The following ALMS1 variants were observed in gnomAD, a reference collection of about 807,000 sequenced individuals.
ALMS1 encodes ALMS1 centrosome and basal body associated protein.
A neutral mutation model predicts 352.2 loss-of-function variants in ALMS1; 271 were observed. The observed-to-expected ratio is 0.77, with a 90% confidence interval of 0.70 to 0.85. The LOEUF (loss-of-function observed/expected upper bound fraction) is 0.85, where lower values mean the gene tolerates loss of function less well. ALMS1 is among the 40% of genes least tolerant of loss of function. ALMS1 has a pLI of 0.00. For synonymous variants in ALMS1, 1,865 were observed against 1,761.2 expected (o/e 1.06, Z -1.48); for missense variants, 5,445 against 4,870.7 (o/e 1.12, Z -3.51).
At chr2:73,576,023 ATTC>A (rs1410306843) in intron 16 of ALMS1, among the ~76,000 whole-genome samples, 1 of 152,168 alleles carries the variant, frequency 6.6e-6, no homozygotes, top group Non-Finnish European at 1.5e-5. Context: ...GTCCACCTTC[ATTC>A]TTCTGCATGT....
intron 21 of ALMS1, among the ~76,000 whole-genome samples, chr2:73,607,739 G>A (rs1013360150): frequency 3.3e-5 from 5 of 151,606 alleles, no homozygotes; most frequent in African/African-American, 1.2e-4. Context: ...TGCCACCCAG[G>A]TTCAAGCGAT....
intron 3 of ALMS1, among the ~76,000 whole-genome samples, chr2:73,422,424 G>T (rs961487922): frequency 6.6e-5 from 10 of 152,104 alleles, no homozygotes; most frequent in Non-Finnish European, 1.3e-4. Flanking sequence ...CCTGTGCTAT[G>T]CTTTGACATA....
chr2:73,471,020 G>A (rs1672455207), intron 9 of ALMS1: 1 of 151,752 alleles, frequency 6.6e-6, no homozygotes, highest in Admixed American at 6.6e-5. Flanking sequence ...ATAGTATATA[G>A]TTAGATCTTA....
intron 11 of ALMS1, among the ~76,000 whole-genome samples, chr2:73,532,714 C>T (rs1385648518): frequency 1.3e-5 from 2 of 152,136 alleles, no homozygotes; most frequent in Non-Finnish European, 2.9e-5. Context: ...TTACTTTGTA[C>T]TCTACCCCTC....
intron 12 of ALMS1, among the ~76,000 whole-genome samples, chr2:73,544,498 A>G (rs1674269460): frequency 6.6e-6 from 1 of 152,218 alleles, no homozygotes; most frequent in South Asian, 2.1e-4. Context: ...CATGTACCCT[A>G]AAACTTAAAG....
chr2:73,396,442 A>T (rs1450121860), intron 1 of ALMS1, among the ~76,000 whole-genome samples: 1 of 151,166 alleles, frequency 6.6e-6, no homozygotes, highest in Non-Finnish European at 1.5e-5. Context: ...GGTAATATTG[A>T]CCTCATAAAG....
chr2:73,607,634 AT>A (rs986604961), intron 21 of ALMS1, among the ~76,000 whole-genome samples: 8 of 151,174 alleles, frequency 5.3e-5, no homozygotes, highest in African/African-American at 1.7e-4. Context: ...CATCATTATT[AT>A]TTTTTTATTA....
chr2:73,481,916 T>C (rs1672715530), intron 9 of ALMS1, among the ~76,000 whole-genome samples: 1 of 151,754 alleles, frequency 6.6e-6, no homozygotes, highest in African/African-American at 2.4e-5. Context: ...GTGATTTTTG[T>C]ACATTGATTT....
At position 73,453,835 on chromosome 2, in the gene ALMS1, G is replaced by A. The variant is rs1485336075; in HGVS notation, c.7308G>A (p.Leu2436=). The A allele has an allele frequency of 6.2e-7, 1 of 1,614,052 alleles. No individual in the cohort carries two copies. The highest frequency in any genetic ancestry group is 1.1e-5 in the South Asian group (1 of 91,080). The change falls in exon 8 of 23, where the codon TTG becomes TTA. Residue 2436 remains leucine, a synonymous_variant. Transcript: ENST00000613296. The part of the protein sequence containing the change: ...CSWDSNLPES[L]ESVSDVLLNF... ...GGGACAGTAATTTACCAGAGTCTTT[G>A]GAATCAGTTTCTGATGTTCTTCTAA... is the stretch of plus-strand genomic sequence containing the variant.
At chr2:73,460,800 A>G (rs939521250) in intron 9 of ALMS1, among the ~76,000 whole-genome samples, 2 of 152,242 alleles carry the variant, frequency 1.3e-5, no homozygotes, top group Admixed American at 6.5e-5. Flanking sequence ...TATCCCGCAC[A>G]TGGCTCGGAG....
rs772590945 is a variant in ALMS1, at chr2:73,426,436, T to C, written c.1238-17T>C. On this transcript the variant is annotated splice_polypyrimidine_tract_variant and intron_variant, in intron 5 of 22. Transcript: ENST00000613296. ...TTACTATACATACAATTATGCAAAA[T>C]GACTCCTATTTTGTAGAGGGCCTGC... 1.2e-6 allele frequency: 2 copies of C among 1,613,272 alleles called. No homozygotes were observed. Among genetic ancestry groups the C allele is most frequent in the Middle Eastern group, 1.7e-4 (1 of 6,060 alleles).
rs1181009062 is a variant in ALMS1, at chr2:73,512,332, C to T, written c.9540-7443C>T. Among the ~76,000 whole-genome samples, 5 of 151,854 alleles carry T rather than the reference C, an allele frequency of 3.3e-5. No homozygotes were observed. The East Asian group carries it at 9.6e-4, about 29-fold the overall frequency. On this transcript the variant is annotated intron_variant, in intron 10 of 22. Transcript: ENST00000613296. Reference sequence around the variant, plus strand: ...ACTCCTGACCTTGTGATCTGCCCACCTTGGCCTCCCAAAGTGCTGGGATTA... The same window carrying T: ...ACTCCTGACCTTGTGATCTGCCCACTTTGGCCTCCCAAAGTGCTGGGATTA...
chr2:73,480,916 T>C (rs1483009763), intron 9 of ALMS1, among the ~76,000 whole-genome samples: 1 of 147,088 alleles, frequency 6.8e-6, no homozygotes, highest in East Asian at 1.9e-4. Flanking sequence ...CACTTTTTGA[T>C]GGGGTTGTTT....
chr2:73,603,008 G>A (rs1417065807), intron 20 of ALMS1, among the ~76,000 whole-genome samples: 1 of 152,218 alleles, frequency 6.6e-6, no homozygotes, highest in African/African-American at 2.4e-5. Context: ...AAACCGGCCA[G>A]ATTTTTAATT....
At chr2:73,387,081 A>G (rs1670555310) in intron 1 of ALMS1, among the ~76,000 whole-genome samples, 1 of 152,234 alleles carries the variant, frequency 6.6e-6, no homozygotes, top group South Asian at 2.1e-4. Flanking sequence ...GCTAGTGGCT[A>G]CCATGTTGGA....
At chr2:73,470,050 G>C (rs1226940312) in intron 9 of ALMS1, 2 of 151,752 alleles carry the variant, frequency 1.3e-5, no homozygotes, top group African/African-American at 4.8e-5. Context: ...TCAGTGTGAT[G>C]TCTCCACTTT....
In ALMS1 at chr2:73,453,380, C is replaced by T. The variant is rs375458331; in HGVS notation, c.6853C>T (p.Arg2285Cys). ...ATGCAATTTTCCTGCTCCCCTTGCC[C>T]GTTTCAGAGATATTAGTGATATTTC... is the stretch of plus-strand genomic sequence containing the variant. Reference protein sequence around the residue: ...KRCNFPAPLARFRDISDISFI... With the variant: ...KRCNFPAPLACFRDISDISFI... Residue 2285 changes from arginine to cysteine, a missense_variant, in exon 8 of 23, where the codon CGT (arginine) becomes TGT (cysteine). Transcript: ENST00000613296. The T allele has an allele frequency of 2.7e-5, 43 of 1,613,610 alleles. No homozygotes were observed. The highest frequency in any genetic ancestry group is 6.7e-5 in the East Asian group (3 of 44,882).
chr2:73,422,719 T>C (rs1347027181), intron 3 of ALMS1, 138 bp from the exon 4 acceptor site: 1 of 723,284 alleles, frequency 1.4e-6, no homozygotes, highest in Non-Finnish European at 2.4e-6. Context: ...CTGCTACTGC[T>C]GTTGCTTTTA....
At chr2:73,392,627 A>G (rs1670674409) in intron 1 of ALMS1, among the ~76,000 whole-genome samples, 1 of 152,120 alleles carries the variant, frequency 6.6e-6, no homozygotes, top group Non-Finnish European at 1.5e-5. Flanking sequence ...GGCTTCTTTC[A>G]CTTAGCTTAA....
Sources: allele counts gnomAD v4.1 joint callset (sites outside exome capture counted in the v4.1 genomes callset), GRCh38; gene constraint gnomAD v4.1.1; transcripts MANE v1.5; gene names NCBI Gene and HGNC (gene_info 2026-07-23, HGNC 2026-07-21).